The following PNPLA1 variants were observed in gnomAD, a reference collection of about 807,000 sequenced individuals.
PNPLA1 encodes patatin like domain 1, omega-hydroxyceramide transacylase.
A neutral mutation model predicts 51.7 loss-of-function variants in PNPLA1; 36 were observed. That is an observed-to-expected ratio of 0.70 (90% CI 0.53 to 0.92). The LOEUF (loss-of-function observed/expected upper bound fraction) is 0.92, where lower values mean the gene tolerates loss of function less well. Ranked by LOEUF, PNPLA1 falls within the 40% of genes least tolerant of loss-of-function variation. PNPLA1 has a pLI of 0.00. For synonymous variants in PNPLA1, 293 were observed against 280.1 expected (o/e 1.05, Z -0.46); for missense variants, 658 against 682.5 (o/e 0.96, Z 0.40).
intron 1 of PNPLA1, among the ~76,000 whole-genome samples, chr6:36,243,823 G>C (rs528655545): frequency 6.6e-6 from 1 of 152,292 alleles, no homozygotes; most frequent in South Asian, 2.1e-4. Flanking sequence ...AAGATGAATT[G>C]CATGTGCCCT....
chr6:36,253,854 A>G (rs1279073653), intron 1 of PNPLA1, among the ~76,000 whole-genome samples: 1 of 152,184 alleles, frequency 6.6e-6, no homozygotes, highest in Non-Finnish European at 1.5e-5. Flanking sequence ...TCAACATTTA[A>G]AGTGCAAGAC....
chr6:36,299,641 G>T lies in PNPLA1; in HGVS notation c.776-2220G>T, dbSNP rs570375710. Among the ~76,000 whole-genome samples, 332 of 152,192 alleles carry T rather than the reference G, an allele frequency of 2.2e-3. 1 individual carries two copies. The highest frequency in any genetic ancestry group is 4.9e-3 in the Admixed American group (75 of 15,284). ...GAGCCACTGCGCCCGGCCAACTTTT[G>T]GTATTTTTAATTAATGCTCAGAATT... On this transcript the variant is annotated intron_variant, in intron 5 of 8. Transcript: ENST00000636260.
intron 1 of PNPLA1, among the ~76,000 whole-genome samples, chr6:36,277,273 G>A (rs1159060874): frequency 6.6e-6 from 1 of 152,204 alleles, no homozygotes; most frequent in Non-Finnish European, 1.5e-5. Flanking sequence ...AAGGGAAAAG[G>A]GAAGGGCACA....
intron 2 of PNPLA1, 29 bp downstream of exon 2, chr6:36,291,581 C>CA: frequency 7.3e-6 from 5 of 687,536 alleles, no homozygotes; most frequent in Non-Finnish European, 1.1e-5. Flanking sequence ...GAGGGAGGGA[C>CA]ACGGAGGGGG....
At chr6:36,307,557 A>G in intron 7 of PNPLA1, 30 bp from the exon 8 acceptor site, 2 of 1,610,258 alleles carry the variant, frequency 1.2e-6, no homozygotes, top group South Asian at 1.1e-5. Context: ...CAGGCCCATA[A>G]TGAACCATCT....
intron 1 of PNPLA1, among the ~76,000 whole-genome samples, chr6:36,285,216 G>T (rs1212282415): frequency 6.6e-6 from 1 of 152,228 alleles, no homozygotes; most frequent in Non-Finnish European, 1.5e-5. Flanking sequence ...CAGGGATTCT[G>T]AGCATTCGTC....
upstream of PNPLA1, among the ~76,000 whole-genome samples, chr6:36,268,587 C>T (rs77330824): frequency 3.6e-3 from 542 of 152,292 alleles, 1 homozygote; most frequent in African/African-American, 6.4e-3. Flanking sequence ...CCCACACCTC[C>T]GCCGCACAGC....
At chr6:36,277,785 G>A (rs1770152543) in intron 1 of PNPLA1, among the ~76,000 whole-genome samples, 1 of 152,222 alleles carries the variant, frequency 6.6e-6, no homozygotes. Flanking sequence ...GATCACTTGA[G>A]CCCAGGAGTT....
chr6:36,300,145 C>T (rs1770984924), intron 5 of PNPLA1, among the ~76,000 whole-genome samples: 1 of 116,292 alleles, frequency 8.6e-6, no homozygotes, highest in African/African-American at 2.7e-5. Context: ...AACAGTTTCT[C>T]AGACTTTTCT....
intron 1 of PNPLA1, among the ~76,000 whole-genome samples, chr6:36,289,462 T>C (rs1490940582): frequency 1.3e-5 from 2 of 152,214 alleles, no homozygotes; most frequent in Admixed American, 6.5e-5. Flanking sequence ...TGTTTACCTC[T>C]GTTGGCACAT....
At position 36,301,951 on chromosome 6, in the gene PNPLA1, G is replaced by T; in HGVS notation, c.866G>T (p.Cys289Phe). Residue 289 changes from cysteine to phenylalanine, a missense_variant, in exon 6 of 9, where the codon TGC becomes TTC. Transcript: ENST00000636260. The stretch of plus-strand genomic sequence containing the variant: ...ATAGAACTCGCCCTTGGCAATGAGT[G>T]CCCTGAACGCAGTCAACCAAGCCTT... Reference protein sequence around the residue: ...CQIELALGNECPERSQPSLRA... With the variant: ...CQIELALGNEFPERSQPSLRA... 1 of 1,614,188 alleles carries T rather than the reference G, an allele frequency of 6.2e-7. No homozygotes were observed. Among genetic ancestry groups the T allele is most frequent in the Non-Finnish European group, 8.5e-7 (1 of 1,180,036 alleles).
chr6:36,270,573 G>A lies in PNPLA1; in HGVS notation c.114G>A (p.Leu38=), dbSNP rs763277160. Residue 38 remains leucine, a synonymous_variant, in exon 1 of 9, where the codon CTG becomes CTA. Coordinates refer to ENST00000636260, the MANE Select transcript of PNPLA1 (RefSeq NM_001374623.1). ...GGGCTGTGGACGCCCTGCGGGACCT[G>A]GCCCCCCGGATGCTGGAAACAGCCC... ...QAGAVDALRD[L]APRMLETAHR... is the part of the protein sequence containing the mutation. 2.6e-6 allele frequency: 4 copies of A among 1,551,646 alleles called. No individual in the cohort carries two copies. In the South Asian group the frequency reaches 4.8e-5, roughly 18 times the overall value.
At chr6:36,306,182 A>T in intron 6 of PNPLA1, 110 bp from the exon 7 acceptor site, 2 of 801,974 alleles carry the variant, frequency 2.5e-6, no homozygotes, top group Non-Finnish European at 4.0e-6. Context: ...AGGACAAGAG[A>T]GTTCTTTGCT....
At chr6:36,274,105 G>A (rs74853302) in intron 1 of PNPLA1, among the ~76,000 whole-genome samples, 50 of 152,218 alleles carry the variant, frequency 3.3e-4, no homozygotes, top group African/African-American at 9.9e-4. Flanking sequence ...ATCAGGCACC[G>A]TTCTACCTCT....
In PNPLA1 at chr6:36,294,808, A is replaced by G. The variant is rs549502444; in HGVS notation, c.714+409A>G. Among the ~76,000 whole-genome samples, 4 of 152,312 alleles carry G rather than the reference A, an allele frequency of 2.6e-5. No homozygotes were observed. The highest frequency in any genetic ancestry group is 2.9e-5 in the Non-Finnish European group (2 of 68,028). ...TAGAGAGTTATGGGGGAAAGAAAAA[A>G]AGAAGAAAAAGAAAAAGAACATTAG... On this transcript the variant is annotated intron_variant, in intron 4 of 8. Transcript: ENST00000636260. This position sits in a 1 kb window ranked among gnomAD's most constrained non-coding sequence, Gnocchi z 4.2.
chr6:36,291,354 C>T lies in PNPLA1; in HGVS notation c.240C>T (p.Ala80=), dbSNP rs765149427. 141 of 1,613,950 alleles carry T rather than the reference C, an allele frequency of 8.7e-5. 1 individual carries two copies. The highest frequency in any genetic ancestry group is 6.5e-4 in the Admixed American group (39 of 59,992). Residue 80 remains alanine (A), a synonymous_variant, in exon 2 of 9, where the codon GCC becomes GCT. Transcript: ENST00000636260. ...EYLRVLNVGV[A]EVKKSFLGPL... is the part of the protein sequence containing the mutation. The stretch of plus-strand genomic sequence containing the variant: ...TCAGAGTCCTCAACGTGGGTGTGGC[C>T]GAGGTGAAGAAATCCTTCCTGGGGC...
chr6:36,249,699 T>C (rs554753791), intron 1 of PNPLA1, among the ~76,000 whole-genome samples: 17 of 152,176 alleles, frequency 1.1e-4, no homozygotes, highest in Non-Finnish European at 2.2e-4. Flanking sequence ...CGTTCTAGGA[T>C]AGGGACATGG....
In PNPLA1 at chr6:36,262,895, T is replaced by C. The variant is rs528525842; in HGVS notation, c.-81+19634T>C. Among the ~76,000 whole-genome samples, 5 of 152,350 alleles carry C rather than the reference T, an allele frequency of 3.3e-5. No homozygotes were observed. The South Asian group carries it at 1.0e-3, about 32-fold the overall frequency. ...TTAGGTTATTTCTGGATATTTGCTA[T>C]TACAATTGATGCTGTATTTAAAAAT... On this transcript the variant is annotated intron_variant, in intron 1 of 7. Transcript: ENST00000312917.
intron 7 of PNPLA1, among the ~76,000 whole-genome samples, chr6:36,306,951 T>G (rs1356742299): frequency 2.0e-5 from 3 of 152,198 alleles, no homozygotes; most frequent in Admixed American, 6.5e-5. Context: ...GGATCTGCTT[T>G]TTTAAAAACT....
Sources: gnomAD v4.1 joint callset for allele counts (sites outside exome capture counted in the v4.1 genomes callset) on GRCh38, gnomAD v4.1.1 for gene constraint, Gnocchi (gnomAD v3.1) non-coding constraint, MANE v1.5 for transcripts, NCBI Gene and HGNC (gene_info 2026-07-23, HGNC 2026-07-21) for gene names.